The following KIF26B variants were observed in gnomAD, a reference collection of about 807,000 sequenced individuals.
KIF26B encodes kinesin-like protein KIF26B.
In KIF26B, 63 loss-of-function variants were observed where a neutral mutation model predicts 151.2. The ratio of observed to expected loss-of-function variants is 0.42; its 90% CI spans 0.34 to 0.51. KIF26B has a LOEUF of 0.51. KIF26B is among the 20% of genes least tolerant of loss of function. KIF26B has a pLI of 0.07. For synonymous variants in KIF26B, 1,357 were observed against 1,262.1 expected (o/e 1.08, Z -1.59); for missense variants, 2,813 against 2,913.6 (o/e 0.97, Z 0.79).
intron 2 of KIF26B, among the ~76,000 whole-genome samples, chr1:245,301,446 C>G (rs1230594282): frequency 2.0e-5 from 3 of 152,172 alleles, no homozygotes; most frequent in Non-Finnish European, 2.9e-5. Flanking sequence ...GGCGTCTCTT[C>G]AGCTGCGTGT....
chr1:245,162,865 C>G (rs938203947), intron 2 of KIF26B, among the ~76,000 whole-genome samples: 36 of 152,282 alleles, frequency 2.4e-4, no homozygotes, highest in African/African-American at 7.5e-4. Context: ...TGTTTGTCCA[C>G]CTCCAGGTCT....
At chr1:245,581,392 GAAGA>G (rs201317897) in intron 5 of KIF26B, among the ~76,000 whole-genome samples, 1,556 of 152,118 alleles carry the variant, frequency 0.01, 27 homozygotes, top group African/African-American at 0.035. Flanking sequence ...TTATAGTGAT[GAAGA>G]AAGAAAGAAA....
At chr1:245,693,735 T>C (rs1027942812) in intron 12 of KIF26B, among the ~76,000 whole-genome samples, 1 of 152,166 alleles carries the variant, frequency 6.6e-6, no homozygotes, top group African/African-American at 2.4e-5. Flanking sequence ...GAGGGCACCA[T>C]GGTTTGCTCT....
intron 4 of KIF26B, among the ~76,000 whole-genome samples, chr1:245,481,920 C>T (rs533462406): frequency 2.0e-5 from 3 of 151,580 alleles, no homozygotes; most frequent in South Asian, 2.1e-4. Flanking sequence ...AGCGTCTAAC[C>T]GATAGGGACT....
rs190248476 is a variant in KIF26B at position 245,619,741 on chromosome 1, C to T, written c.2098+7765C>T. Among the ~76,000 whole-genome samples, 540 of 151,786 alleles carry T rather than the reference C, an allele frequency of 3.6e-3. 1 individual carries two copies. Among genetic ancestry groups the T allele is most frequent in the African/African-American group, 0.012 (506 of 41,352 alleles). On this transcript the variant is annotated intron_variant, in intron 9 of 14. Transcript: ENST00000407071. ...CAGCGTGGCCAACGTAGTGAAACCTCGTCTCTACTAAAAATACAAAAATTA... is the reference window on the plus strand; with the variant it reads ...CAGCGTGGCCAACGTAGTGAAACCTTGTCTCTACTAAAAATACAAAAATTA...
At chr1:245,598,962 TG>T (rs2043363078) in intron 5 of KIF26B, among the ~76,000 whole-genome samples, 1 of 152,016 alleles carries the variant, frequency 6.6e-6, no homozygotes, top group South Asian at 2.1e-4. Context: ...GGTCTACCCT[TG>T]GGAGTGAAAT....
chr1:245,435,206 C>T (rs750302406), intron 4 of KIF26B, among the ~76,000 whole-genome samples: 1 of 152,046 alleles, frequency 6.6e-6, no homozygotes, highest in Non-Finnish European at 1.5e-5. Flanking sequence ...ATTTGGTAAG[C>T]TCATGCTGTA....
chr1:245,624,411 C>T (rs1715800), intron 9 of KIF26B, among the ~76,000 whole-genome samples: 1 of 152,016 alleles, frequency 6.6e-6, no homozygotes, highest in South Asian at 2.1e-4. Context: ...TCCTCCATAC[C>T]CCCACCAGCA....
intron 4 of KIF26B, among the ~76,000 whole-genome samples, chr1:245,438,227 C>G (rs1658980697): frequency 6.6e-6 from 1 of 152,154 alleles, no homozygotes; most frequent in Non-Finnish European, 1.5e-5. Flanking sequence ...ATTATGTTTC[C>G]TCCTGTCCCC....
chr1:245,187,926 G>A (rs1039115639), intron 2 of KIF26B, among the ~76,000 whole-genome samples: 3 of 152,102 alleles, frequency 2.0e-5, no homozygotes, highest in African/African-American at 4.8e-5. Context: ...TGATCTTGAG[G>A]AAATTCAAGT....
chr1:245,160,475 C>T (rs1668513393), intron 2 of KIF26B, among the ~76,000 whole-genome samples: 1 of 152,120 alleles, frequency 6.6e-6, no homozygotes, highest in African/African-American at 2.4e-5. Context: ...ACGAATTGCT[C>T]AATTTTGGGC....
intron 2 of KIF26B, among the ~76,000 whole-genome samples, chr1:245,328,247 AG>A (rs570390060): frequency 2.0e-5 from 2 of 100,918 alleles, no homozygotes; most frequent in South Asian, 6.8e-4. Context: ...CTTATTTTGC[AG>A]GGGGGAGGGG....
chr1:245,207,318 T>C (rs1332737846), intron 2 of KIF26B, among the ~76,000 whole-genome samples: 2 of 152,190 alleles, frequency 1.3e-5, no homozygotes, highest in African/African-American at 4.8e-5. Context: ...AAGGGTTTTT[T>C]TCATTCCTAA....
rs569166138 is a variant in KIF26B at position 245,647,174 on chromosome 1, C to A, written c.2258+894C>A. On this transcript the variant is annotated intron_variant, in intron 10 of 14. Coordinates refer to ENST00000407071, the MANE Select transcript of KIF26B (RefSeq NM_018012.4). ...GGTGCGGTGGCTCATGCCTGTAATC[C>A]TGGCACTTTGGGAGGCCGAGGCGGG... 6.6e-5 allele frequency among the ~76,000 whole-genome samples: 10 copies of A among 152,192 alleles called. No individual in the cohort carries two copies. The South Asian group carries it at 1.9e-3, about 28-fold the overall frequency.
intron 3 of KIF26B, among the ~76,000 whole-genome samples, chr1:245,403,755 C>T (rs919692544): frequency 1.3e-5 from 2 of 152,176 alleles, no homozygotes; most frequent in Admixed American, 6.5e-5. Flanking sequence ...TGGTGTTAAG[C>T]CCTGTGGAAA....
intron 2 of KIF26B, among the ~76,000 whole-genome samples, chr1:245,161,686 C>CT (rs1384068642): frequency 6.6e-6 from 1 of 152,042 alleles, no homozygotes; most frequent in Non-Finnish European, 1.5e-5. Flanking sequence ...GTGATTTTTT[C>CT]TTTTTTACCC....
chr1:245,580,728 T>A (rs2043167632), intron 5 of KIF26B, among the ~76,000 whole-genome samples: 1 of 152,194 alleles, frequency 6.6e-6, no homozygotes, highest in African/African-American at 2.4e-5. Context: ...AGTCTTTCGC[T>A]TCCTGGAGCT....
intron 2 of KIF26B, among the ~76,000 whole-genome samples, chr1:245,359,874 C>CTTTT (rs766845350): frequency 0.012 from 1,702 of 139,592 alleles, 45 homozygotes; most frequent in African/African-American, 0.045. Context: ...TTCTTTCTTT[C>CTTTT]TTTTTTTTTT....
At chr1:245,455,706 A>C (rs1659503237) in intron 4 of KIF26B, among the ~76,000 whole-genome samples, 1 of 152,198 alleles carries the variant, frequency 6.6e-6, no homozygotes, top group South Asian at 2.1e-4. Flanking sequence ...GAGAGTGTGA[A>C]GAAGTGAGAG....
Sources: allele counts gnomAD v4.1 joint callset (sites outside exome capture counted in the v4.1 genomes callset), GRCh38; gene constraint gnomAD v4.1.1; transcripts MANE v1.5; gene names NCBI Gene and HGNC (gene_info 2026-07-23, HGNC 2026-07-21).